The following CSMD2 variants were observed in gnomAD, a reference collection of about 807,000 sequenced individuals.
CSMD2 encodes CUB and Sushi multiple domains 2.
A neutral mutation model predicts 398.5 loss-of-function variants in CSMD2; 130 were observed. The observed-to-expected ratio is 0.33, with a 90% CI of 0.28 to 0.38. CSMD2 has a LOEUF of 0.38. Ranked by LOEUF, CSMD2 falls within the 10% of genes least tolerant of loss-of-function variation. The pLI is 1.00. For missense variants in CSMD2, 3,829 were observed against 4,764.9 expected (o/e 0.80, Z 5.78); for synonymous variants, 1,828 against 1,908.5 (o/e 0.96, Z 1.10).
At chr1:33,783,717 G>C (rs923250721) in intron 12 of CSMD2, among the ~76,000 whole-genome samples, 2 of 152,176 alleles carry the variant, frequency 1.3e-5, no homozygotes, top group African/African-American at 2.4e-5. Context: ...GACAGTGTTA[G>C]TGTAGGAAAG....
chr1:33,752,819 A>G (rs1648446364), intron 13 of CSMD2, among the ~76,000 whole-genome samples: 1 of 152,190 alleles, frequency 6.6e-6, no homozygotes, highest in African/African-American at 2.4e-5. Context: ...GGAAATGAGG[A>G]ACTTATGGGG....
intron 2 of CSMD2, among the ~76,000 whole-genome samples, chr1:34,082,310 T>C (rs11810996): frequency 0.74 from 110,386 of 148,622 alleles, 41,293 homozygotes; most frequent in East Asian, 0.96. Context: ...GGAGCCCCTC[T>C]GCCCGGCCGC....
At chr1:33,531,930 C>T (rs1003733711) in intron 64 of CSMD2, among the ~76,000 whole-genome samples, 1 of 152,054 alleles carries the variant, frequency 6.6e-6, no homozygotes, top group African/African-American at 2.4e-5. Flanking sequence ...ATAACTAATG[C>T]CACTGAATTG....
At chr1:33,812,675 A>G (rs1033007149) in intron 9 of CSMD2, among the ~76,000 whole-genome samples, 2 of 152,110 alleles carry the variant, frequency 1.3e-5, no homozygotes, top group African/African-American at 2.4e-5. Context: ...TTGTTTCTTC[A>G]TCTGTAAAAT....
intron 2 of CSMD2, among the ~76,000 whole-genome samples, chr1:34,086,428 C>A (rs1331488587): frequency 6.6e-6 from 1 of 152,200 alleles, no homozygotes; most frequent in African/African-American, 2.4e-5. Context: ...GCCTTCTCCA[C>A]CTGGATATCT....
At chr1:33,609,942 T>A (rs1640883986) in intron 41 of CSMD2, among the ~76,000 whole-genome samples, 1 of 152,210 alleles carries the variant, frequency 6.6e-6, no homozygotes, top group Non-Finnish European at 1.5e-5. Flanking sequence ...GGGCATTTGG[T>A]GGCCCACCCT....
intron 15 of CSMD2, among the ~76,000 whole-genome samples, chr1:33,735,200 T>C (rs74069156): frequency 5.9e-5 from 9 of 152,322 alleles, no homozygotes; most frequent in African/African-American, 2.2e-4. Context: ...GAGTCTGGAT[T>C]TGAATTCTGG....
chr1:33,663,492 T>TA (rs112583544), intron 25 of CSMD2, among the ~76,000 whole-genome samples: 3,806 of 142,180 alleles, frequency 0.027, 59 homozygotes, highest in African/African-American at 0.042. Flanking sequence ...AGGATATAGG[T>TA]AAAAAAAAAA....
At chr1:33,534,594 G>C (rs1268438692) in intron 62 of CSMD2, among the ~76,000 whole-genome samples, 1 of 152,108 alleles carries the variant, frequency 6.6e-6, no homozygotes, top group Non-Finnish European at 1.5e-5. Context: ...GTGTAATGCG[G>C]CTAGATCTGT....
At chr1:33,534,819 T>C (rs1655612136) in intron 62 of CSMD2, among the ~76,000 whole-genome samples, 1 of 152,244 alleles carries the variant, frequency 6.6e-6, no homozygotes, top group African/African-American at 2.4e-5. Flanking sequence ...CAAGTCATCT[T>C]TGATCCCTTC....
chr1:33,523,258 C>A, intron 67 of CSMD2, 49 bp downstream of exon 67: 3 of 933,398 alleles, frequency 3.2e-6, no homozygotes, highest in East Asian at 2.4e-5. Context: ...CTCCTCTTCC[C>A]TGCCAGTGAT....
At chr1:34,140,829 G>A (rs1381381261) in intron 1 of CSMD2, among the ~76,000 whole-genome samples, 3 of 152,192 alleles carry the variant, frequency 2.0e-5, no homozygotes, top group South Asian at 2.1e-4. Flanking sequence ...TGACTTATAA[G>A]TTTTTCACGT....
At chr1:33,684,573 A>G (rs1370873046) in intron 25 of CSMD2, among the ~76,000 whole-genome samples, 1 of 152,204 alleles carries the variant, frequency 6.6e-6, no homozygotes, top group South Asian at 2.1e-4. Context: ...CAGTGCTCCT[A>G]GGCTCCTCCC....
At chr1:33,835,683 CAAAACAAAAAAA>C (rs1557976867) in intron 6 of CSMD2, among the ~76,000 whole-genome samples, 1 of 40,076 alleles carries the variant, frequency 2.5e-5, no homozygotes, top group African/African-American at 1.9e-4. Context: ...CAAAACAAAA[CAAAACAAAAAAA>C]ACAAACAAAA....
At chr1:34,081,529 C>T (rs1420522724) in intron 2 of CSMD2, among the ~76,000 whole-genome samples, 1 of 152,140 alleles carries the variant, frequency 6.6e-6, no homozygotes, top group East Asian at 1.9e-4. Flanking sequence ...CCTGATTCTC[C>T]TGCCTCGGCC....
intron 1 of CSMD2, among the ~76,000 whole-genome samples, chr1:34,131,346 GA>G (rs922034780): frequency 6.6e-5 from 10 of 150,912 alleles, no homozygotes; most frequent in Admixed American, 2.0e-4. Flanking sequence ...AGGTGCAGGA[GA>G]GGGGGGGGTC....
At chr1:33,886,167 G>A (rs1326286848) in intron 5 of CSMD2, among the ~76,000 whole-genome samples, 1 of 152,186 alleles carries the variant, frequency 6.6e-6, no homozygotes, top group Non-Finnish European at 1.5e-5. Flanking sequence ...ACTGGATGCT[G>A]AGCTAAGGCT....
chr1:33,662,051 A>T (rs964191691), intron 26 of CSMD2, among the ~76,000 whole-genome samples: 6 of 152,168 alleles, frequency 3.9e-5, no homozygotes, highest in Non-Finnish European at 5.9e-5. Flanking sequence ...ATGATGGAAG[A>T]GGCACTTCAG....
At chr1:33,895,763 G>A (rs945686018) in intron 5 of CSMD2, among the ~76,000 whole-genome samples, 2 of 152,168 alleles carry the variant, frequency 1.3e-5, no homozygotes, top group Non-Finnish European at 2.9e-5. Flanking sequence ...TGGGATGCAG[G>A]CTGTTCCCAG....
Sources: gnomAD v4.1 joint callset for allele counts (sites outside exome capture counted in the v4.1 genomes callset) on GRCh38, gnomAD v4.1.1 for gene constraint, MANE v1.5 for transcripts, NCBI Gene and HGNC (gene_info 2026-07-23, HGNC 2026-07-21) for gene names.